The following DNAH12 variants were observed in gnomAD, a reference collection of about 807,000 sequenced individuals.
DNAH12 encodes dynein axonemal heavy chain 12.
DNAH12 carries 285 observed loss-of-function variants against 371.5 expected under a neutral mutation model. The observed-to-expected ratio is 0.77, with a 90% CI of 0.70 to 0.85. The LOEUF is 0.85. DNAH12 is among the 40% of genes least tolerant of loss of function. DNAH12 has a pLI of 0.00. For missense variants in DNAH12, 3,611 were observed against 3,689.4 expected, an observed-to-expected ratio of 0.98 and a Z score of 0.55; for synonymous variants, 1,200 against 1,213.0, an observed-to-expected ratio of 0.99 and a Z score of 0.22.
chr3:57,327,122 C>A (rs973227710), intron 62 of DNAH12, among the ~76,000 whole-genome samples: 1 of 151,990 alleles, frequency 6.6e-6, no homozygotes, highest in African/African-American at 2.4e-5. Context: ...GAGACTTTAA[C>A]ACCCCACTGT....
chr3:57,538,256 C>T (rs979913227), intron 2 of DNAH12, among the ~76,000 whole-genome samples: 6 of 76,566 alleles, frequency 7.8e-5, no homozygotes, highest in Non-Finnish European at 1.6e-4. Context: ...GAAAATAAAA[C>T]AAAACCAATA....
At chr3:57,450,034 G>A (rs1429299501) in intron 25 of DNAH12, among the ~76,000 whole-genome samples, 1 of 152,240 alleles carries the variant, frequency 6.6e-6, no homozygotes, top group Non-Finnish European at 1.5e-5. Context: ...GATCACTTGA[G>A]GTCAGGAGTT....
chr3:57,336,717 T>C (rs937817792), intron 60 of DNAH12, among the ~76,000 whole-genome samples: 1 of 152,162 alleles, frequency 6.6e-6, no homozygotes, highest in Non-Finnish European at 1.5e-5. Context: ...TAAAAGATAA[T>C]GTCAGGAATT....
Position 57,415,449 on chromosome 3 carries a change from G to A in DNAH12, c.5830C>T (p.Arg1944Trp), listed in dbSNP as rs372247115. The A allele has an allele frequency of 3.0e-4, 460 of 1,550,262 alleles. No homozygotes were observed. The highest frequency in any genetic ancestry group is 3.8e-4 in the Non-Finnish European group (440 of 1,146,724). ...ACCTGAACCTGATTGGCGCTGGTCC[G>A]TGCAGATAAGTTAATATAAAAAGGA... ...YFPFYINLSA[R>W]TSANQVQNII... Residue 1944 changes from arginine to tryptophan, a missense_variant, in exon 38 of 74, where the codon CGG (arginine) becomes TGG (tryptophan). By Grantham distance (101) the Arg-to-Trp change is moderately radical (BLOSUM62 -3). Transcript: ENST00000495027.
At chr3:57,367,314 G>C (rs974122322) in intron 56 of DNAH12, among the ~76,000 whole-genome samples, 1 of 137,992 alleles carries the variant, frequency 7.2e-6, no homozygotes, top group African/African-American at 2.6e-5. Context: ...ATCAGAGCAA[G>C]ACTCTGTCTC....
Position 57,387,165 on chromosome 3 carries a change from C to T in DNAH12, c.7360G>A (p.Glu2454Lys), listed in dbSNP as rs1365744233. ...RVAVKFLETL[E>K]LTEVEQQEIV... ...TCTTGTTGTTCAACCTCAGTAAGCT[C>T]CAGTGTTTCTAAGAATTTCACAGCT... Residue 2454 changes from glutamate (E) to lysine (K), a missense_variant, in exon 46 of 74, where the codon GAG (glutamate) becomes AAG (lysine). Transcript: ENST00000495027. 1 of 152,114 alleles carries T rather than the reference C, an allele frequency of 6.6e-6. No individual in the cohort carries two copies. The highest frequency in any genetic ancestry group is 1.5e-5 in the Non-Finnish European group (1 of 68,032). The allele number at this position is 152,114 out of a possible 1,614,324, so 9.4% of individuals were successfully genotyped here. A position where few individuals can be genotyped will look rare whatever the true frequency, so the allele number is the denominator to read the frequency against.
At position 57,350,558 on chromosome 3, in the gene DNAH12, C is replaced by T. The variant is rs78033409; in HGVS notation, c.9674+1527G>A. Among the ~76,000 whole-genome samples, 1,133 of 152,206 alleles carry T rather than the reference C, an allele frequency of 7.4e-3. 14 individuals are homozygous for T. The highest frequency in any genetic ancestry group is 0.025 in the African/African-American group (1,042 of 41,518). On this transcript the variant is annotated intron_variant, in intron 60 of 73. Transcript: ENST00000495027. ...GTGGCTTGTACATCTAAATGTGAAACGCATAATAAAGCTTCCAGATGGTTA... is the reference window on the plus strand; with the variant it reads ...GTGGCTTGTACATCTAAATGTGAAATGCATAATAAAGCTTCCAGATGGTTA...
chr3:57,300,509 GGA>G (rs1435102794), intron 70 of DNAH12, among the ~76,000 whole-genome samples: 43 of 151,938 alleles, frequency 2.8e-4, no homozygotes, highest in African/African-American at 1.0e-3. Flanking sequence ...AATGGGCCTA[GGA>G]TATGAATTGA....
rs769919747 is a variant in DNAH12, at chr3:57,542,807, G to A, written c.64C>T (p.Pro22Ser). The change falls in exon 2 of 74, where the codon CCC becomes TCC. Residue 22 changes from proline to serine, a missense_variant. Pro to Ser is a moderately conservative substitution (Grantham distance 74, BLOSUM62 -1). Coordinates refer to ENST00000495027, the MANE Select transcript of DNAH12 (RefSeq NM_001366028.2). Reference sequence around the variant, plus strand: ...ATGTTTTCTGGGAGATGGACAATGGGGGGTAACTTCAAGTTCAGAGCTTCC... The same window carrying A: ...ATGTTTTCTGGGAGATGGACAATGGAGGGTAACTTCAAGTTCAGAGCTTCC... ...EKEALNLKLP[P>S]IVHLPENIGV... The A allele has an allele frequency of 6.2e-7, 1 of 1,608,640 alleles. No individual in the cohort carries two copies. Among genetic ancestry groups the A allele is most frequent in the South Asian group, 1.1e-5 (1 of 89,704 alleles).
chr3:57,334,470 C>G lies in DNAH12; in HGVS notation c.9973G>C (p.Asp3325His). The G allele has an allele frequency of 1.9e-6, 3 of 1,545,536 alleles. No homozygotes were observed. Among genetic ancestry groups the G allele is most frequent in the Non-Finnish European group, 2.6e-6 (3 of 1,145,714 alleles). ...AGAACACATTGGTCTTTTACCTTATCAGGTCTTAAACACCGAAGAATTATT... is the reference window on the plus strand; with the variant it reads ...AGAACACATTGGTCTTTTACCTTATGAGGTCTTAAACACCGAAGAATTATT... ...KIIILRCLRP[D>H]KITPAITNYV... The change falls in exon 62 of 74, where the codon GAT (aspartate) becomes CAT (histidine). Residue 3325 changes from aspartate (D) to histidine (H), a missense_variant. Physicochemically the swap from Asp to His is moderately conservative, Grantham distance 81. Transcript: ENST00000495027.
chr3:57,456,356 A>G (rs1047950542), intron 22 of DNAH12, among the ~76,000 whole-genome samples: 1 of 152,228 alleles, frequency 6.6e-6, no homozygotes, highest in Non-Finnish European at 1.5e-5. Context: ...ACTCACTCAC[A>G]TATAGTGAGT....
At chr3:57,390,424 A>AAAAAAAAAATATATATATATATAT in intron 45 of DNAH12, among the ~76,000 whole-genome samples, 12 of 33,430 alleles carry the variant, frequency 3.6e-4, no homozygotes, top group Non-Finnish European at 4.9e-4. Flanking sequence ...AAAAAAAAAA[A>AAAAAAAAAATATATATATATATAT]ATATATATAT....
At chr3:57,453,595 T>C (rs556402236) in intron 23 of DNAH12, among the ~76,000 whole-genome samples, 192 bp from the exon 24 acceptor site, 49 of 152,196 alleles carry the variant, frequency 3.2e-4, no homozygotes, top group African/African-American at 1.1e-3. Flanking sequence ...CTTCTTTTTT[T>C]TTTTTGAGAC....
At chr3:57,402,492 T>C in intron 43 of DNAH12, 3 of 1,227,946 alleles carry the variant, frequency 2.4e-6, no homozygotes, top group Non-Finnish European at 3.3e-6. Context: ...ATCATCAGGT[T>C]CATGGTTAAA....
intron 60 of DNAH12, among the ~76,000 whole-genome samples, chr3:57,348,627 T>C (rs576291716): frequency 7.9e-5 from 12 of 152,320 alleles, no homozygotes; most frequent in African/African-American, 2.9e-4. Context: ...TTGCTGCGAA[T>C]CTGAAATTGC....
intron 13 of DNAH12, among the ~76,000 whole-genome samples, chr3:57,482,722 C>G (rs953187562): frequency 3.9e-5 from 6 of 151,960 alleles, no homozygotes; most frequent in African/African-American, 1.5e-4. Flanking sequence ...CACATATACA[C>G]CATGGAATAC....
chr3:57,312,384 C>T lies in DNAH12; in HGVS notation c.10663-1434G>A, dbSNP rs1441691158. ...CCCAAAGCTGAAGGAAGAGACTTCA[C>T]GAGAATGTAATGTTAAATTTGTGGC... On this transcript the variant is annotated intron_variant, in intron 66 of 73. Coordinates refer to ENST00000495027, the MANE Select transcript of DNAH12 (RefSeq NM_001366028.2). 2.6e-5 allele frequency among the ~76,000 whole-genome samples: 4 copies of T among 152,154 alleles called. 1 individual carries two copies. Among genetic ancestry groups the T allele is most frequent in the African/African-American group, 4.8e-5 (2 of 41,420 alleles).
Position 57,314,613 on chromosome 3 carries a change from AC to A in DNAH12, c.10542del (p.Phe3515LeufsTer57). 4 of 1,547,590 alleles carry A rather than the reference AC, an allele frequency of 2.6e-6. No individual in the cohort carries two copies. The highest frequency in any genetic ancestry group is 2.6e-6 in the Non-Finnish European group (3 of 1,146,176). ...RGKELAWEKL[L>X]FGVCFFHALV... Reference sequence around the variant, plus strand: ...AGGGCATGAAAAAAACAAACTCCAAACAGTAACTTCTCCCAGGCCTTTAATA... The same window carrying A: ...AGGGCATGAAAAAAACAAACTCCAAAAGTAACTTCTCCCAGGCCTTTAATA... On this transcript the variant is annotated frameshift_variant, in exon 66 of 74. Transcript: ENST00000495027. LOFTEE classifies it high-confidence loss of function.
At chr3:57,505,506 T>G (rs2067722596) in intron 8 of DNAH12, among the ~76,000 whole-genome samples, 1 of 151,904 alleles carries the variant, frequency 6.6e-6, no homozygotes, top group African/African-American at 2.4e-5. Context: ...AATGGCACGA[T>G]CTTGACTCAC....
Sources: allele counts gnomAD v4.1 joint callset (sites outside exome capture counted in the v4.1 genomes callset), GRCh38; gene constraint gnomAD v4.1.1; transcripts MANE v1.5; gene names NCBI Gene and HGNC (gene_info 2026-07-23, HGNC 2026-07-21).